Variants in NRXN1 observed in about 807,000 individuals in gnomAD.
NRXN1 encodes the protein neurexin-1.
In NRXN1, 39 loss-of-function variants were observed where a neutral mutation model predicts 150.9. The ratio of observed to expected loss-of-function variants is 0.26; its 90% CI spans 0.20 to 0.34. NRXN1 has a LOEUF of 0.34. Among genes scored for constraint, NRXN1 ranks in the 10% least tolerant of loss-of-function variants. The pLI is 1.00. For missense variants in NRXN1, 1,815 were observed against 1,949.9 expected (o/e 0.93, Z 1.30); for synonymous variants, 924 against 757.0 (o/e 1.22, Z -3.62).
At chr2:50,775,942 T>C (rs1436410826) in intron 5 of NRXN1, among the ~76,000 whole-genome samples, 4 of 152,132 alleles carry the variant, frequency 2.6e-5, no homozygotes, top group Non-Finnish European at 5.9e-5. Context: ...GTGTGGTTGT[T>C]GGCTCTGTGA....
intron 17 of NRXN1, among the ~76,000 whole-genome samples, chr2:50,306,861 C>T (rs770604948): frequency 5.9e-5 from 9 of 152,164 alleles, no homozygotes; most frequent in East Asian, 1.9e-4. Flanking sequence ...TATGTATTTT[C>T]CTATTTTATA....
At chr2:50,322,319 G>C (rs1465108714) in intron 17 of NRXN1, among the ~76,000 whole-genome samples, 1 of 152,180 alleles carries the variant, frequency 6.6e-6, no homozygotes, top group African/African-American at 2.4e-5. Context: ...TTGGAAGAGT[G>C]CTGTTGTGGG....
At chr2:50,303,570 A>G (rs2074356777) in intron 17 of NRXN1, among the ~76,000 whole-genome samples, 1 of 152,132 alleles carries the variant, frequency 6.6e-6, no homozygotes. Context: ...GAGCACTTTG[A>G]AATCAGTCCC....
chr2:50,921,358 T>G (rs1686007675), intron 5 of NRXN1, among the ~76,000 whole-genome samples: 1 of 151,958 alleles, frequency 6.6e-6, no homozygotes, highest in African/African-American at 2.4e-5. Context: ...CTCCTCTGTT[T>G]GTCTCTTTCT....
At chr2:50,468,771 A>C (rs1229874824) in intron 16 of NRXN1, among the ~76,000 whole-genome samples, 1 of 151,418 alleles carries the variant, frequency 6.6e-6, no homozygotes, top group African/African-American at 2.4e-5. Context: ...TCTGAGGTTC[A>C]ATTTACTCAT....
At chr2:50,865,658 GTTTT>G (rs71404978) in intron 5 of NRXN1, among the ~76,000 whole-genome samples, 10 of 41,832 alleles carry the variant, frequency 2.4e-4, no homozygotes, top group Admixed American at 4.1e-4. Context: ...GCATTTGAAA[GTTTT>G]TTTTTTTTTT....
intron 17 of NRXN1, among the ~76,000 whole-genome samples, chr2:50,253,682 G>C (rs909164786): frequency 3.9e-5 from 6 of 152,104 alleles, no homozygotes; most frequent in Non-Finnish European, 7.4e-5. Flanking sequence ...CATAGTTTTT[G>C]TCTTTAGTTC....
At chr2:50,965,126 AC>A (rs1693851881) in intron 2 of NRXN1, among the ~76,000 whole-genome samples, 1 of 151,336 alleles carries the variant, frequency 6.6e-6, no homozygotes, top group South Asian at 2.1e-4. Flanking sequence ...ATACTATGAA[AC>A]TTATAACATC....
intron 5 of NRXN1, among the ~76,000 whole-genome samples, chr2:50,740,446 T>C (rs1281272921): frequency 6.6e-6 from 1 of 152,176 alleles, no homozygotes; most frequent in African/African-American, 2.4e-5. Flanking sequence ...CAAAAGCCAA[T>C]ATGCTGAAGA....
chr2:50,592,969 A>G (rs1390469514), intron 8 of NRXN1, among the ~76,000 whole-genome samples: 1 of 152,208 alleles, frequency 6.6e-6, no homozygotes, highest in African/African-American at 2.4e-5. Context: ...CAAATGGACC[A>G]TAATCAAGGT....
At chr2:50,330,173 ATTTTTTTTT>A (rs2076745394) in intron 17 of NRXN1, among the ~76,000 whole-genome samples, 1 of 151,208 alleles carries the variant, frequency 6.6e-6, no homozygotes, top group South Asian at 2.1e-4. Context: ...GTAGGCTTCT[ATTTTTTTTT>A]AAATGATTAA....
intron 18 of NRXN1, among the ~76,000 whole-genome samples, chr2:50,205,217 ACT>A (rs1324559628): frequency 1.3e-5 from 2 of 152,088 alleles, no homozygotes; most frequent in African/African-American, 4.8e-5. Flanking sequence ...GGCCTTGAGC[ACT>A]CATGAAAAAC....
At chr2:50,118,911 G>A (rs1231697427) in intron 18 of NRXN1, among the ~76,000 whole-genome samples, 1 of 151,818 alleles carries the variant, frequency 6.6e-6, no homozygotes, top group African/African-American at 2.4e-5. Context: ...TTTAAAGCCA[G>A]GTTTATTTTT....
At position 50,169,343 on chromosome 2, in the gene NRXN1, T is replaced by G. The variant is rs538437412; in HGVS notation, c.3546+67446A>C. On this transcript the variant is annotated intron_variant, in intron 18 of 22. Transcript: ENST00000401669. ...ACAAGCAATGGGTACCTTGCCCCAG[T>G]GGAAAAAGATAAATTCAGGGAAGTT... is the stretch of plus-strand genomic sequence containing the variant. 6.6e-5 allele frequency among the ~76,000 whole-genome samples: 10 copies of G among 152,146 alleles called. No individual in the cohort carries two copies. The South Asian group carries it at 1.9e-3, about 28-fold the overall frequency.
At chr2:50,415,710 A>C (rs544010715) in intron 17 of NRXN1, among the ~76,000 whole-genome samples, 100 of 152,212 alleles carry the variant, frequency 6.6e-4, no homozygotes, top group Non-Finnish European at 1.3e-3. Context: ...GTAAATAACC[A>C]CACATCATCA....
intron 17 of NRXN1, among the ~76,000 whole-genome samples, chr2:50,281,148 C>CA (rs70946898): frequency 0.28 from 29,935 of 106,882 alleles, 3,980 homozygotes; most frequent in Non-Finnish European, 0.36. Context: ...ACTAAAAATA[C>CA]AAAAAAAAAA....
At chr2:50,968,959 T>C (rs1371314869) in intron 2 of NRXN1, among the ~76,000 whole-genome samples, 5 of 152,080 alleles carry the variant, frequency 3.3e-5, no homozygotes, top group Non-Finnish European at 7.4e-5. Flanking sequence ...TCTGGCCTAT[T>C]TGTCTACTTC....
intron 21 of NRXN1, among the ~76,000 whole-genome samples, chr2:50,038,150 C>T (rs911261027): frequency 6.6e-6 from 1 of 152,126 alleles, no homozygotes; most frequent in African/African-American, 2.4e-5. Flanking sequence ...AGGAGATTAG[C>T]AGAAAATATA....
chr2:50,845,599 T>A, intron 5 of NRXN1, among the ~76,000 whole-genome samples: 1 of 152,206 alleles, frequency 6.6e-6, no homozygotes, highest in East Asian at 1.9e-4. Context: ...AAAGTTCAGA[T>A]TAGGAACCTC....
Sources: allele counts gnomAD v4.1 joint callset (sites outside exome capture counted in the v4.1 genomes callset), GRCh38; gene constraint gnomAD v4.1.1; transcripts MANE v1.5; gene names NCBI Gene and HGNC (gene_info 2026-07-23, HGNC 2026-07-21).